The following HIPK1 variants were observed in gnomAD, a reference collection of about 807,000 sequenced individuals.
The protein encoded by HIPK1 is homeodomain-interacting protein kinase 1.
A neutral mutation model predicts 117.1 loss-of-function variants in HIPK1; 28 were observed. The observed-to-expected ratio is 0.24, with a 90% CI of 0.18 to 0.33. HIPK1 has a LOEUF of 0.33. HIPK1 is among the 10% of genes least tolerant of loss of function. HIPK1 has a pLI of 1.00. For missense variants in HIPK1, 1,122 were observed against 1,475.1 expected (o/e 0.76, Z 3.92); for synonymous variants, 605 against 562.5 (o/e 1.08, Z -1.07).
In HIPK1 at chr1:113,941,913, T is replaced by A. The variant is rs1454361265; in HGVS notation, c.1076+454T>A. Among the ~76,000 whole-genome samples, 1 of 151,392 alleles carries A rather than the reference T, an allele frequency of 6.6e-6. No individual in the cohort carries two copies. Among genetic ancestry groups the A allele is most frequent in the Non-Finnish European group, 1.5e-5 (1 of 67,860 alleles). ...TAGCTGGGACCACAGGCACCCGCCA[T>A]CACGCCCGGCTAATTTTTTTTGTAT... On this transcript the variant is annotated intron_variant, in intron 2 of 15. Coordinates refer to ENST00000426820, the MANE Select transcript of HIPK1 (RefSeq NM_198268.3). This position sits in a 1 kb window ranked among gnomAD's most constrained non-coding sequence, Gnocchi z 4.9.
chr1:113,933,323 A>G, intron 1 of HIPK1: 1 of 378,146 alleles, frequency 2.6e-6, no homozygotes, highest in African/African-American at 2.2e-5. Flanking sequence ...CAGAGAAGGC[A>G]AGGTCTATTG....
At chr1:113,958,395 C>T in intron 8 of HIPK1, 104 bp downstream of exon 8, 2 of 768,996 alleles carry the variant, frequency 2.6e-6, no homozygotes. Flanking sequence ...AACTCTGTCT[C>T]TGATGAAGAA....
Position 113,952,841 on chromosome 1 carries a change from G to A in HIPK1, c.1152G>A (p.Glu384=). 1 of 1,555,972 alleles carries A rather than the reference G, an allele frequency of 6.4e-7. No individual in the cohort carries two copies. Among genetic ancestry groups the A allele is most frequent in the Middle Eastern group, 1.7e-4 (1 of 5,806 alleles). The change falls in exon 3 of 16, where the codon GAG becomes GAA. Residue 384 remains glutamate, a synonymous_variant. Coordinates refer to ENST00000426820, the MANE Select transcript of HIPK1 (RefSeq NM_198268.3). Reference sequence around the variant, plus strand: ...GGTCACTGGGCTGTGTGATAGCTGAGCTGTTCCTGGGATGGCCTCTTTATC... The same window carrying A: ...GGTCACTGGGCTGTGTGATAGCTGAACTGTTCCTGGGATGGCCTCTTTATC... ...DMWSLGCVIA[E]LFLGWPLYPG...
chr1:113,941,791 G>A lies in HIPK1; in HGVS notation c.1076+332G>A, dbSNP rs530674081. On this transcript the variant is annotated intron_variant, in intron 2 of 15. Coordinates refer to ENST00000426820, the MANE Select transcript of HIPK1 (RefSeq NM_198268.3). The surrounding 1 kb of genome is among the most constrained non-coding windows in gnomAD (Gnocchi z 4.9). ...TTTATTTATTTAGAGACAGAATCTC[G>A]CTCTGTCGCCCAGGCTGGAGTGCAG... is the stretch of plus-strand genomic sequence containing the variant. Among the ~76,000 whole-genome samples the A allele has an allele frequency of 4.6e-5, 7 of 151,754 alleles. No individual in the cohort carries two copies. Among genetic ancestry groups the A allele is most frequent in the South Asian group, 2.1e-4 (1 of 4,800 alleles).
intron 2 of HIPK1, among the ~76,000 whole-genome samples, chr1:113,943,715 C>T (rs1670798497): frequency 6.6e-6 from 1 of 152,230 alleles, no homozygotes; most frequent in Non-Finnish European, 1.5e-5. Context: ...TTATTTTCCA[C>T]AGAGGCTGCA....
intron 2 of HIPK1, among the ~76,000 whole-genome samples, chr1:113,946,169 C>T (rs528820504): frequency 6.6e-6 from 1 of 152,148 alleles, no homozygotes; most frequent in African/African-American, 2.4e-5. Flanking sequence ...TTAATGCTCT[C>T]CTTTGAGCAG....
At position 113,957,167 on chromosome 1, in the gene HIPK1, G is replaced by A; in HGVS notation, c.1636G>A (p.Val546Ile). Residue 546 changes from valine (V) to isoleucine (I), a missense_variant, in exon 7 of 16, where the codon GTT becomes ATT. Physicochemically the swap from Val to Ile is conservative, Grantham distance 29. This residue lies in a region of HIPK1 where 731 missense variants were observed against 860.4 expected (regional missense o/e 0.85). Coordinates refer to ENST00000426820, the MANE Select transcript of HIPK1 (RefSeq NM_198268.3). ...FQNMEICKRR[V>I]HMYDTVSQIK... ...GAACATGGAGATCTGCAAGCGGAGG[G>A]TTCACATGTATGATACAGTGAGTCA... 6.2e-7 allele frequency: 1 copy of A among 1,613,692 alleles called. No individual in the cohort carries two copies. The highest frequency in any genetic ancestry group is 8.5e-7 in the Non-Finnish European group (1 of 1,179,656).
Position 113,973,746 on chromosome 1 carries a change from A to C in HIPK1, c.*234A>C. Reference sequence around the variant, plus strand: ...TATTTTTAAATTCATTATTTTTGTGACAGTAATTTTGGTACTTGGAAGAGT... The same window carrying C: ...TATTTTTAAATTCATTATTTTTGTGCCAGTAATTTTGGTACTTGGAAGAGT... On this transcript the variant is annotated 3_prime_UTR_variant, in exon 16 of 16. Transcript: ENST00000426820. The C allele has an allele frequency of 2.5e-6, 1 of 396,954 alleles. No homozygotes were observed. The highest frequency in any genetic ancestry group is 4.4e-6 in the Non-Finnish European group (1 of 227,754). The allele number at this position is 396,954 out of a possible 1,614,324, so 24.6% of individuals were successfully genotyped here.
At chr1:113,961,869 G>C (rs1672135027) in intron 8 of HIPK1, among the ~76,000 whole-genome samples, 1 of 148,824 alleles carries the variant, frequency 6.7e-6, no homozygotes, top group Non-Finnish European at 1.5e-5. Flanking sequence ...GCTTGAACTT[G>C]GGAGCAGAGT....
rs377195693 is a variant in HIPK1 at position 113,963,530 on chromosome 1, C to T, written c.2238+9C>T. 9 of 1,605,134 alleles carry T rather than the reference C, an allele frequency of 5.6e-6. No homozygotes were observed. The highest frequency in any genetic ancestry group is 5.4e-5 in the African/African-American group (4 of 74,506). On this transcript the variant is annotated intron_variant, in intron 10 of 15. Coordinates refer to ENST00000426820, the MANE Select transcript of HIPK1 (RefSeq NM_198268.3). ...AGACTGCCGCTGTACTGGTAATTCC[C>T]CTCACTTGATTGTGTTACTAACGGA...
At chr1:113,943,741 A>G (rs924210496) in intron 2 of HIPK1, among the ~76,000 whole-genome samples, 1 of 152,190 alleles carries the variant, frequency 6.6e-6, no homozygotes, top group Non-Finnish European at 1.5e-5. Context: ...TTACATTCCT[A>G]CCAGCAGTGG....
rs190822554 is a variant in HIPK1 at position 113,974,702 on chromosome 1, A to G, written c.*1190A>G. 1 of 152,754 alleles carries G rather than the reference A, an allele frequency of 6.5e-6. No homozygotes were observed. Among genetic ancestry groups the G allele is most frequent in the Admixed American group, 6.5e-5 (1 of 15,302 alleles). 9.5% of individuals were successfully genotyped at this position (152,754 alleles called of 1,614,324 possible). A position where few individuals can be genotyped will look rare whatever the true frequency, so the allele number is the denominator to read the frequency against. Reference sequence around the variant, plus strand: ...AGGAATTGCAAAAAATATTTTAAAAATTTATTACTGAATTTAAAAATATTT... The same window carrying G: ...AGGAATTGCAAAAAATATTTTAAAAGTTTATTACTGAATTTAAAAATATTT... On this transcript the variant is annotated 3_prime_UTR_variant, in exon 16 of 16. Coordinates refer to ENST00000426820, the MANE Select transcript of HIPK1 (RefSeq NM_198268.3).
intron 2 of HIPK1, among the ~76,000 whole-genome samples, chr1:113,952,233 C>T (rs1338787414): frequency 4.0e-5 from 6 of 150,492 alleles, no homozygotes; most frequent in Non-Finnish European, 8.9e-5. Flanking sequence ...GCCACTGTGC[C>T]CAGTTGACCA....
At position 113,971,909 on chromosome 1, in the gene HIPK1, T is replaced by C; in HGVS notation, c.3099T>C (p.Ala1033=). The change falls in exon 15 of 16, where the codon GCT becomes GCC. Residue 1033 remains alanine, a synonymous_variant. Transcript: ENST00000426820. Reference sequence around the variant, plus strand: ...GTATCACCCCCACAGGGTATCGAGCTCAACGCGGGGGGACCAGTGCAGCAC... The same window carrying C: ...GTATCACCCCCACAGGGTATCGAGCCCAACGCGGGGGGACCAGTGCAGCAC... ...GCCITPTGYR[A]QRGGTSAAQP... is the part of the protein sequence containing the mutation. 1 of 1,607,736 alleles carries C rather than the reference T, an allele frequency of 6.2e-7. No individual in the cohort carries two copies. Among genetic ancestry groups the C allele is most frequent in the South Asian group, 1.1e-5 (1 of 89,444 alleles).
Position 113,941,602 on chromosome 1 carries a change from G to T in HIPK1, c.1076+143G>T, listed in dbSNP as rs61819184. ...GGATATGTTTTAGCTCATTCTATGTGTGTGGCATTCCTATATATGACATTT... is the reference window on the plus strand; with the variant it reads ...GGATATGTTTTAGCTCATTCTATGTTTGTGGCATTCCTATATATGACATTT... On this transcript the variant is annotated intron_variant, in intron 2 of 15. Coordinates refer to ENST00000426820, the MANE Select transcript of HIPK1 (RefSeq NM_198268.3). This position sits in a 1 kb window ranked among gnomAD's most constrained non-coding sequence, Gnocchi z 4.9. 6,135 of 651,804 alleles carry T rather than the reference G, an allele frequency of 9.4e-3. 54 individuals are homozygous for T. The highest frequency in any genetic ancestry group is 0.011 in the Non-Finnish European group (4,073 of 385,228). The allele number at this position is 651,804 out of a possible 1,614,324, so 40.4% of individuals were successfully genotyped here. A position where few individuals can be genotyped will look rare whatever the true frequency, so the allele number is the denominator to read the frequency against.
At position 113,941,360 on chromosome 1, in the gene HIPK1, C is replaced by A; in HGVS notation, c.977C>A (p.Pro326Gln). 1 of 1,614,200 alleles carries A rather than the reference C, an allele frequency of 6.2e-7. No homozygotes were observed. The highest frequency in any genetic ancestry group is 8.5e-7 in the Non-Finnish European group (1 of 1,180,026). ...CCTGAAAACATCATGCTGGTTGATC[C>A]AGTTCGCCAGCCCTACCGAGTGAAG... ...LKPENIMLVD[P>Q]VRQPYRVKVI... Residue 326 changes from proline to glutamine, a missense_variant, in exon 2 of 16, where the codon CCA becomes CAA. By Grantham distance (76) the Pro-to-Gln change is moderately conservative. Around this residue, in one of 6 missense-constraint regions of HIPK1, gnomAD observed 8 missense variants for 41.5 expected, o/e 0.19. Transcript: ENST00000426820. This position sits in a 1 kb window ranked among gnomAD's most constrained non-coding sequence, Gnocchi z 4.9.
Position 113,962,376 on chromosome 1 carries a change from C to T in HIPK1, c.2041C>T (p.Pro681Ser), listed in dbSNP as rs1321023710. 1.2e-6 allele frequency: 2 copies of T among 1,613,782 alleles called. No individual in the cohort carries two copies. The highest frequency in any genetic ancestry group is 1.3e-5 in the African/African-American group (1 of 74,916). ...CCCTGTGAGGATGGATAATGCTGTA[C>T]CGATTGTACCCCAGGCACCAGCTGC... ...GFPVRMDNAVPIVPQAPAAQP... is the reference protein window; with the variant it reads ...GFPVRMDNAVSIVPQAPAAQP... Residue 681 changes from proline (P) to serine (S), a missense_variant, in exon 9 of 16, where the codon CCG (proline) becomes TCG (serine). By Grantham distance (74) the Pro-to-Ser change is moderately conservative. Transcript: ENST00000426820.
chr1:113,963,360 C>A, intron 9 of HIPK1, 27 bp from the exon 10 acceptor site: 1 of 1,610,098 alleles, frequency 6.2e-7, no homozygotes, highest in South Asian at 1.1e-5. Flanking sequence ...GTGTTTGTTT[C>A]ACTCACCTGC....
intron 14 of HIPK1, 149 bp from the exon 15 acceptor site, chr1:113,971,675 G>C: frequency 1.7e-6 from 1 of 590,630 alleles, no homozygotes; most frequent in Non-Finnish European, 2.7e-6. Flanking sequence ...AAAGAAATGG[G>C]TGATAACAGG....
Sources: allele counts gnomAD v4.1 joint callset (sites outside exome capture counted in the v4.1 genomes callset), GRCh38; gene constraint gnomAD v4.1.1; regional missense constraint gnomAD v4.1.1; non-coding constraint Gnocchi (gnomAD v3.1); transcripts MANE v1.5; gene names NCBI Gene and HGNC (gene_info 2026-07-23, HGNC 2026-07-21).